SUPT3H: variants seen among roughly 807,000 people sequenced by gnomAD.
SUPT3H encodes SPT3 homolog, SAGA and STAGA complex component.
In SUPT3H, 44 loss-of-function variants were observed where a neutral mutation model predicts 44.3. The observed-to-expected ratio is 0.99, with a 90% confidence interval of 0.78 to 1.28. The LOEUF is 1.28. Among genes scored for constraint, SUPT3H ranks in the 50% most tolerant of loss-of-function variants. SUPT3H has a pLI of 0.00. For synonymous variants in SUPT3H, 124 were observed against 125.6 expected (o/e 0.99, Z 0.09); for missense variants, 380 against 387.1 (o/e 0.98, Z 0.15).
At chr6:45,299,572 C>T (rs1408180951) in intron 2 of SUPT3H, among the ~76,000 whole-genome samples, 3 of 151,860 alleles carry the variant, frequency 2.0e-5, no homozygotes, top group Non-Finnish European at 2.9e-5. Flanking sequence ...ATACTGTACA[C>T]AGTCATTAAA....
At chr6:45,053,740 CAAAAAAAAAAA>C (rs57736879) in intron 3 of SUPT3H, among the ~76,000 whole-genome samples, 1 of 59,444 alleles carries the variant, frequency 1.7e-5, no homozygotes, top group East Asian at 5.5e-4. Context: ...ACTAAAAATA[CAAAAAAAAAAA>C]AAAAAAAAAA....
chr6:45,222,751 C>T (rs1265949712), intron 2 of SUPT3H, among the ~76,000 whole-genome samples: 1 of 152,034 alleles, frequency 6.6e-6, no homozygotes, highest in African/African-American at 2.4e-5. Context: ...TATAAATGTT[C>T]ACAGAAGCTT....
chr6:45,328,436 C>A, intron 2 of SUPT3H: 1 of 1,450,882 alleles, frequency 6.9e-7, no homozygotes, highest in Non-Finnish European at 9.3e-7. Flanking sequence ...CAGGTCACTA[C>A]CAGCCACCGA....
At chr6:45,214,015 C>CAAAAAAAAA (rs11418358) in intron 2 of SUPT3H, among the ~76,000 whole-genome samples, 31 of 74,080 alleles carry the variant, frequency 4.2e-4, no homozygotes, top group East Asian at 9.6e-4. Context: ...TTTTGAAATG[C>CAAAAAAAAA]AAAAAAAAAA....
chr6:45,020,192 C>A (rs1289022188), intron 4 of SUPT3H, among the ~76,000 whole-genome samples: 1 of 151,806 alleles, frequency 6.6e-6, no homozygotes, highest in African/African-American at 2.4e-5. Context: ...TAATGTTAAT[C>A]TGTAAGAAGA....
chr6:44,982,030 G>T (rs1314821074), intron 6 of SUPT3H, among the ~76,000 whole-genome samples: 1 of 152,110 alleles, frequency 6.6e-6, no homozygotes, highest in Non-Finnish European at 1.5e-5. Flanking sequence ...AACAGAGTGA[G>T]ATCCTGTGTC....
intron 2 of SUPT3H, among the ~76,000 whole-genome samples, chr6:45,180,620 G>C (rs1812970816): frequency 1.3e-5 from 2 of 151,884 alleles, no homozygotes. Flanking sequence ...AATGGGGAAA[G>C]GATTCCCTAT....
At chr6:45,296,166 C>G (rs922926303) in intron 2 of SUPT3H, among the ~76,000 whole-genome samples, 1 of 140,008 alleles carries the variant, frequency 7.1e-6, no homozygotes, top group Non-Finnish European at 1.6e-5. Context: ...CATATACATA[C>G]ATATATACAT....
At chr6:44,971,958 T>C (rs943144553) in intron 6 of SUPT3H, among the ~76,000 whole-genome samples, 1 of 152,052 alleles carries the variant, frequency 6.6e-6, no homozygotes, top group African/African-American at 2.4e-5. Context: ...GTATTTTTAG[T>C]AGAGACGGGG....
intron 10 of SUPT3H, among the ~76,000 whole-genome samples, chr6:44,929,933 T>C (rs1431536287): frequency 1.3e-5 from 2 of 152,144 alleles, no homozygotes; most frequent in Non-Finnish European, 2.9e-5. Flanking sequence ...GTCACCCTGG[T>C]CATGCAATTC....
chr6:45,374,935 G>A (rs148734537), intron 1 of SUPT3H, among the ~76,000 whole-genome samples: 1,896 of 152,270 alleles, frequency 0.012, 11 homozygotes, highest in Middle Eastern at 0.024. Context: ...GGCCGGGCAC[G>A]GTGGCTCACA....
chr6:45,117,540 T>C (rs1801017060), intron 2 of SUPT3H, among the ~76,000 whole-genome samples: 1 of 152,072 alleles, frequency 6.6e-6, no homozygotes, highest in Non-Finnish European at 1.5e-5. Context: ...TTTTAAAAAA[T>C]GAAGCAAACT....
chr6:44,935,933 C>T (rs953544546), intron 9 of SUPT3H, among the ~76,000 whole-genome samples: 1 of 152,188 alleles, frequency 6.6e-6, no homozygotes, highest in African/African-American at 2.4e-5. Context: ...TCTCAGCCTT[C>T]CCCTTACCAG....
At chr6:45,302,552 TATATGC>T (rs1400801221) in intron 2 of SUPT3H, among the ~76,000 whole-genome samples, 1,571 of 116,264 alleles carry the variant, frequency 0.014, 51 homozygotes, top group Admixed American at 0.027. Context: ...TATATATATA[TATATGC>T]ATGCCACAAT....
intron 2 of SUPT3H, among the ~76,000 whole-genome samples, chr6:45,190,567 C>T (rs944597428): frequency 7.2e-5 from 11 of 151,772 alleles, no homozygotes; most frequent in Non-Finnish European, 2.9e-5. Flanking sequence ...TGTGAGGAGA[C>T]CCATCAGGTA....
intron 2 of SUPT3H, among the ~76,000 whole-genome samples, chr6:45,232,533 C>T (rs954767924): frequency 6.6e-6 from 1 of 152,168 alleles, no homozygotes; most frequent in Non-Finnish European, 1.5e-5. Flanking sequence ...AATTCGTGGG[C>T]ACCCAGGTGG....
At chr6:44,961,941 AG>A in intron 6 of SUPT3H, 113 bp from the exon 7 acceptor site, 1 of 703,618 alleles carries the variant, frequency 1.4e-6, no homozygotes, top group South Asian at 1.9e-5. Flanking sequence ...CCAGGTGAAC[AG>A]GGTAGTACTA....
intron 9 of SUPT3H, among the ~76,000 whole-genome samples, chr6:44,935,181 C>T (rs779988732): frequency 3.2e-4 from 48 of 151,576 alleles, no homozygotes; most frequent in Non-Finnish European, 5.6e-4. Flanking sequence ...TTTTTTTCCA[C>T]CTCAACAAAT....
chr6:45,373,252 C>T (rs1333381295), intron 1 of SUPT3H, among the ~76,000 whole-genome samples: 1 of 152,078 alleles, frequency 6.6e-6, no homozygotes, highest in Non-Finnish European at 1.5e-5. Context: ...CCACGATTTT[C>T]ATGTTCATTA....
Sources: gnomAD v4.1 joint callset for allele counts (sites outside exome capture counted in the v4.1 genomes callset) on GRCh38, gnomAD v4.1.1 for gene constraint, MANE v1.5 for transcripts, NCBI Gene and HGNC (gene_info 2026-07-23, HGNC 2026-07-21) for gene names.